Variants in IL17RA observed in about 807,000 individuals in gnomAD.
The protein encoded by IL17RA is interleukin 17 receptor A, also known as interleukin-17 receptor A.
IL17RA carries 34 observed loss-of-function variants against 50.4 expected under a neutral mutation model. The ratio of observed to expected loss-of-function variants is 0.67; its 90% CI spans 0.51 to 0.90. The LOEUF (loss-of-function observed/expected upper bound fraction) is 0.90. Among genes scored for constraint, IL17RA ranks in the 40% least tolerant of loss-of-function variants. The pLI is 0.00. For synonymous variants in IL17RA, 585 were observed against 510.4 expected (o/e 1.15, Z -1.97); for missense variants, 1,276 against 1,169.8 (o/e 1.09, Z -1.32).
chr22:17,098,931 C>A (rs759311580), intron 4 of IL17RA, 44 bp downstream of exon 4: 7 of 1,455,856 alleles, frequency 4.8e-6, no homozygotes. Context: ...ACTGATGACA[C>A]CAGTACAGAC....
chr22:17,103,861 G>A (rs1292028402), intron 8 of IL17RA, among the ~76,000 whole-genome samples: 1 of 141,876 alleles, frequency 7.0e-6, no homozygotes, highest in South Asian at 2.4e-4. Context: ...ACGTGCACAG[G>A]TGGAGAGAGT....
Position 17,097,065 on chromosome 22 carries a change from C to A in IL17RA, c.142C>A (p.Leu48Ile), listed in dbSNP as rs764531960. Residue 48 changes from leucine (L) to isoleucine (I), a missense_variant, in exon 2 of 13, where the codon CTA becomes ATA. Coordinates refer to ENST00000319363, the MANE Select transcript of IL17RA (RefSeq NM_014339.7). ...AACCACCCTCTTTTTTCCACAGGGGCTAAACTGCACGGTCAAGAATAGTAA... is the reference window on the plus strand; with the variant it reads ...AACCACCCTCTTTTTTCCACAGGGGATAAACTGCACGGTCAAGAATAGTAA... ...HRALVCSQPG[L>I]NCTVKNSTCL... 1.6e-5 allele frequency: 26 copies of A among 1,613,470 alleles called. No homozygotes were observed. The Admixed American group carries it at 3.3e-4, about 21-fold the overall frequency.
In IL17RA at chr22:17,109,739, G is replaced by GCGGCAGCTGCTTTTC; in HGVS notation, c.2523_2537dup (p.Leu844_Leu848dup). The GCGGCAGCTGCTTTTC allele has an allele frequency of 6.4e-7, 1 of 1,565,774 alleles. No homozygotes were observed. The highest frequency in any genetic ancestry group is 8.7e-7 in the Non-Finnish European group (1 of 1,155,734). On this transcript the variant is annotated inframe_insertion, in exon 13 of 13. Transcript: ENST00000319363. The stretch of plus-strand genomic sequence containing the variant: ...ACCTGGAGAGCCTGAGGAGCCTCCA[G>GCGGCAGCTGCTTTTC]CGGCAGCTGCTTTTCCGCCAGCTGC...
intron 1 of IL17RA, 101 bp downstream of exon 1, chr22:17,085,330 G>A: frequency 6.6e-7 from 1 of 1,504,276 alleles, no homozygotes. Flanking sequence ...GGGCTGGGGA[G>A]GCAGGAAGTC....
At position 17,109,068 on chromosome 22, in the gene IL17RA, A is replaced by T; in HGVS notation, c.1849A>T (p.Ile617Phe). Residue 617 changes from isoleucine (I) to phenylalanine (F), a missense_variant, in exon 13 of 13, where the codon ATC (isoleucine) becomes TTC (phenylalanine). Physicochemically the swap from Ile to Phe is conservative, Grantham distance 21 (BLOSUM62 0). Transcript: ENST00000319363. Reference sequence around the variant, plus strand: ...GCCACTGCTGCCTCCGGGAACCGGCATCGTGAAGCGGGCGCCCCTGGTGCG... The same window carrying T: ...GCCACTGCTGCCTCCGGGAACCGGCTTCGTGAAGCGGGCGCCCCTGGTGCG... ...EEPLLPPGTG[I>F]VKRAPLVREP... is the part of the protein sequence containing the mutation. 1 of 1,584,054 alleles carries T rather than the reference A, an allele frequency of 6.3e-7. No individual in the cohort carries two copies. Among genetic ancestry groups the T allele is most frequent in the Non-Finnish European group, 8.5e-7 (1 of 1,173,456 alleles).
chr22:17,103,669 GGT>G, intron 8 of IL17RA, 92 bp downstream of exon 8: 1 of 1,005,652 alleles, frequency 9.9e-7, no homozygotes, highest in Non-Finnish European at 1.5e-6. Flanking sequence ...GGTGAAGAGT[GGT>G]GTGGACGGGA....
At position 17,095,207 on chromosome 22, in the gene IL17RA, G is replaced by A. The variant is rs1601339425; in HGVS notation, c.139-1855G>A. Among the ~76,000 whole-genome samples the A allele has an allele frequency of 4.6e-5, 7 of 152,278 alleles. 2 individuals carry two copies. Among genetic ancestry groups the A allele is most frequent in the Admixed American group, 4.6e-4 (7 of 15,300 alleles). ...AGTGGTGCATTAACAAACTTTGTTT[G>A]TTAATCAGTGCTGGAGAGGTATATG... On this transcript the variant is annotated intron_variant, in intron 1 of 12. Coordinates refer to ENST00000319363, the MANE Select transcript of IL17RA (RefSeq NM_014339.7).
chr22:17,109,198 C>A lies in IL17RA; in HGVS notation c.1979C>A (p.Pro660Gln). The change falls in exon 13 of 13, where the codon CCA becomes CAA. Residue 660 changes from proline (P) to glutamine (Q), a missense_variant. Coordinates refer to ENST00000319363, the MANE Select transcript of IL17RA (RefSeq NM_014339.7). ...CCTCACCTGCAGCCCCGGGGTCAGC[C>A]AGCGCCGCAGCCCCTCCACACCCTG... is the stretch of plus-strand genomic sequence containing the variant. ...LEPHLQPRGQ[P>Q]APQPLHTLVL... is the part of the protein sequence containing the mutation. 1.3e-6 allele frequency: 2 copies of A among 1,509,870 alleles called. No individual in the cohort carries two copies. Among genetic ancestry groups the A allele is most frequent in the Non-Finnish European group, 1.8e-6 (2 of 1,134,252 alleles). 93.5% of individuals were successfully genotyped at this position (1,509,870 alleles called of 1,614,324 possible).
At position 17,104,755 on chromosome 22, in the gene IL17RA, T is replaced by C; in HGVS notation, c.876T>C (p.Asn292=). Residue 292 remains asparagine (N), a synonymous_variant, in exon 9 of 13, where the codon AAT becomes AAC. Coordinates refer to ENST00000319363, the MANE Select transcript of IL17RA (RefSeq NM_014339.7). The stretch of plus-strand genomic sequence containing the variant: ...AGCCCTTCTTCAGCAGCTGCCTCAA[T>C]GACTGCCTCAGACACTCCGCGACTG... ...QIQPFFSSCL[N]DCLRHSATVS... The C allele has an allele frequency of 1.2e-6, 2 of 1,614,120 alleles. No individual in the cohort carries two copies. Among genetic ancestry groups the C allele is most frequent in the Middle Eastern group, 1.7e-4 (1 of 6,058 alleles).
chr22:17,111,605 C>T lies in IL17RA; in HGVS notation c.*1785C>T, dbSNP rs1256756165. ...GGTCCTGAAGAACACATTGAGGTGC[C>T]GTCTGACACTGGAATAGGGTGCCCT... On this transcript the variant is annotated 3_prime_UTR_variant, in exon 13 of 13. Coordinates refer to ENST00000319363, the MANE Select transcript of IL17RA (RefSeq NM_014339.7). 1 of 152,110 alleles carries T rather than the reference C, an allele frequency of 6.6e-6. No individual in the cohort carries two copies. Among genetic ancestry groups the T allele is most frequent in the Non-Finnish European group, 1.5e-5 (1 of 68,022 alleles). 9.4% of individuals were successfully genotyped at this position (152,110 alleles called of 1,614,324 possible). A position where few individuals can be genotyped will look rare whatever the true frequency, so the allele number is the denominator to read the frequency against.
chr22:17,087,591 C>CA (rs2061332883), intron 1 of IL17RA, among the ~76,000 whole-genome samples: 1 of 152,230 alleles, frequency 6.6e-6, no homozygotes, highest in Non-Finnish European at 1.5e-5. Flanking sequence ...AAGGTAGTGG[C>CA]AAGCTGAGAC....
rs1274116656 is a variant in IL17RA at position 17,109,869 on chromosome 22, T to G, written c.*49T>G. 6.7e-6 allele frequency: 10 copies of G among 1,486,508 alleles called. No homozygotes were observed. Among genetic ancestry groups the G allele is most frequent in the South Asian group, 6.0e-5 (5 of 82,848 alleles). 92.1% of individuals were successfully genotyped at this position (1,486,508 alleles called of 1,614,324 possible). ...AGATCCCAGCTTTGAGAGAGGAGTG[T>G]GTGTGCACGTATTCATCTGTGTGTA... On this transcript the variant is annotated 3_prime_UTR_variant, in exon 13 of 13. Transcript: ENST00000319363.
intron 2 of IL17RA, chr22:17,097,481 TAAC>T (rs1255777466): frequency 1.9e-6 from 1 of 526,850 alleles, no homozygotes; most frequent in African/African-American, 1.9e-5. Flanking sequence ...CCCTGACATA[TAAC>T]AATAAAGCAG....
rs2061452014 is a variant in IL17RA at position 17,113,223 on chromosome 22, GTCTC to G, written c.*3407_*3410del. Reference sequence around the variant, plus strand: ...GTTTTTTGTTTGTTTTTAAGTCAGGGTCTCTCTGTCACCAGGCTGTATTACAGTG... The same window carrying G: ...GTTTTTTGTTTGTTTTTAAGTCAGGGTCTGTCACCAGGCTGTATTACAGTG... On this transcript the variant is annotated 3_prime_UTR_variant, in exon 13 of 13. Transcript: ENST00000319363. 4 of 152,182 alleles carry G rather than the reference GTCTC, an allele frequency of 2.6e-5. No individual in the cohort carries two copies. In the South Asian group the frequency reaches 8.3e-4, roughly 32 times the overall value. 9.4% of individuals were successfully genotyped at this position (152,182 alleles called of 1,614,324 possible).
Position 17,097,078 on chromosome 22 carries a change from T to G in IL17RA, c.155T>G (p.Val52Gly). The change falls in exon 2 of 13, where the codon GTC becomes GGC. Residue 52 changes from valine to glycine, a missense_variant. Val to Gly is a moderately radical substitution (Grantham distance 109). Coordinates refer to ENST00000319363, the MANE Select transcript of IL17RA (RefSeq NM_014339.7). ...TTTCCACAGGGGCTAAACTGCACGG[T>G]CAAGAATAGTAAGTCATCTTTTTCT... is the stretch of plus-strand genomic sequence containing the variant. The part of the protein sequence containing the change: ...VCSQPGLNCT[V>G]KNSTCLDDSW... 1 of 1,613,634 alleles carries G rather than the reference T, an allele frequency of 6.2e-7. No individual in the cohort carries two copies. Among genetic ancestry groups the G allele is most frequent in the South Asian group, 1.1e-5 (1 of 91,070 alleles).
rs2061430206 is a variant in IL17RA, at chr22:17,109,401, C to T, written c.2182C>T (p.Leu728Phe). The T allele has an allele frequency of 1.2e-6, 2 of 1,613,108 alleles. No homozygotes were observed. The highest frequency in any genetic ancestry group is 1.3e-5 in the African/African-American group (1 of 75,066). ...CCCCGTGGACCCCGAGGACTCGCCC[C>T]TTGGCAGCAGCACCCCCATGGCGTC... ...FLPVDPEDSP[L>F]GSSTPMASPD... The change falls in exon 13 of 13, where the codon CTT becomes TTT. Residue 728 changes from leucine (L) to phenylalanine (F), a missense_variant. Leu to Phe is a conservative substitution (Grantham distance 22). Coordinates refer to ENST00000319363, the MANE Select transcript of IL17RA (RefSeq NM_014339.7).
chr22:17,090,514 A>G (rs926595610), intron 1 of IL17RA, among the ~76,000 whole-genome samples: 4 of 152,214 alleles, frequency 2.6e-5, no homozygotes, highest in African/African-American at 9.6e-5. Context: ...AAAACAAAAA[A>G]CAGTAGATCC....
chr22:17,086,228 C>T (rs1394062805), intron 1 of IL17RA, among the ~76,000 whole-genome samples: 1 of 151,554 alleles, frequency 6.6e-6, no homozygotes, highest in African/African-American at 2.4e-5. Context: ...CTCCCCTCCA[C>T]CTCCACCTCC....
intron 1 of IL17RA, chr22:17,094,015 G>A (rs1207073205): frequency 4.2e-5 from 3 of 71,216 alleles, no homozygotes; most frequent in African/African-American, 7.2e-5. Flanking sequence ...ACAGAGTCTC[G>A]CTCTGTCGCC....
Sources: gnomAD v4.1 joint callset for allele counts (sites outside exome capture counted in the v4.1 genomes callset) on GRCh38, gnomAD v4.1.1 for gene constraint, MANE v1.5 for transcripts, NCBI Gene and HGNC (gene_info 2026-07-23, HGNC 2026-07-21) for gene names.